The following CEP112 variants were observed in gnomAD, a reference collection of about 807,000 sequenced individuals.
The protein encoded by CEP112 is centrosomal protein of 112 kDa.
Under a neutral mutation model 153.0 loss-of-function variants are expected in CEP112, and 127 were observed. The ratio of observed to expected loss-of-function variants is 0.83; its 90% CI spans 0.72 to 0.96. The LOEUF is 0.96. Among genes scored for constraint, CEP112 ranks in the 40% least tolerant of loss-of-function variants. The probability of loss-of-function intolerance (pLI) is 0.00; values close to 1 mark genes in which losing one functional copy is unlikely to be tolerated. For synonymous variants in CEP112, 358 were observed against 374.4 expected, an observed-to-expected ratio of 0.96 and a Z score of 0.51; for missense variants, 1,089 against 1,101.2, an observed-to-expected ratio of 0.99 and a Z score of 0.16.
chr17:66,100,409 GAA>G (rs35510367), intron 6 of CEP112, among the ~76,000 whole-genome samples: 21,140 of 118,516 alleles, frequency 0.18, 2,229 homozygotes, highest in African/African-American at 0.33. Flanking sequence ...TCAAAAAACA[GAA>G]AAAAAAAAAA....
intron 18 of CEP112, among the ~76,000 whole-genome samples, chr17:65,937,573 G>T (rs1435707621): frequency 4.9e-5 from 5 of 102,560 alleles, no homozygotes; most frequent in East Asian, 6.7e-4. Context: ...AGGTGGGGGG[G>T]GTCAGCCCCC....
At chr17:66,005,126 T>A (rs1365124914) in intron 17 of CEP112, among the ~76,000 whole-genome samples, 1 of 152,156 alleles carries the variant, frequency 6.6e-6, no homozygotes, top group Admixed American at 6.5e-5. Flanking sequence ...GAATCAATGT[T>A]TTTTCAGCTA....
At chr17:65,970,210 T>C (rs1183421035) in intron 17 of CEP112, among the ~76,000 whole-genome samples, 3 of 111,050 alleles carry the variant, frequency 2.7e-5, no homozygotes, top group East Asian at 1.0e-3. Context: ...ATGCATGTCA[T>C]GCATGCATAT....
intron 23 of CEP112, among the ~76,000 whole-genome samples, chr17:65,694,406 C>T (rs569840652): frequency 4.6e-5 from 7 of 152,228 alleles, no homozygotes; most frequent in East Asian, 1.9e-4. Flanking sequence ...GAACAGACTA[C>T]GAAGTCAACC....
intron 4 of CEP112, among the ~76,000 whole-genome samples, chr17:66,167,279 T>G (rs1310035164): frequency 1.3e-5 from 2 of 152,104 alleles, no homozygotes; most frequent in Admixed American, 1.3e-4. Flanking sequence ...AAGGCCCTGA[T>G]GAACTATTAC....
intron 6 of CEP112, among the ~76,000 whole-genome samples, chr17:66,112,253 C>T (rs2069087734): frequency 6.6e-6 from 1 of 151,320 alleles, no homozygotes; most frequent in Non-Finnish European, 1.5e-5. Context: ...ATGGGGCCAT[C>T]GCACTCCAGC....
intron 21 of CEP112, among the ~76,000 whole-genome samples, chr17:65,766,111 C>G (rs1351820839): frequency 2.1e-5 from 3 of 143,320 alleles, no homozygotes; most frequent in Non-Finnish European, 4.6e-5. Flanking sequence ...TGATATCAAT[C>G]AGTTTATGAT....
rs76343188 is a variant in CEP112, at chr17:66,016,622, T to C, written c.1657-10853A>G. Among the ~76,000 whole-genome samples the C allele has an allele frequency of 5.5e-3, 830 of 152,284 alleles. 10 individuals are homozygous for C. The highest frequency in any genetic ancestry group is 0.019 in the African/African-American group (786 of 41,560). ...GCTTCACTGGTACTCTAAAATGATA[T>C]GTTACATGGGAAACCAACAAGGAAT... On this transcript the variant is annotated intron_variant, in intron 16 of 26. Transcript: ENST00000535342.
chr17:65,912,892 T>A (rs2060341161), intron 19 of CEP112, among the ~76,000 whole-genome samples: 1 of 152,202 alleles, frequency 6.6e-6, no homozygotes, highest in Non-Finnish European at 1.5e-5. Context: ...GCTTCTAGGT[T>A]GTAAAATTTA....
intron 12 of CEP112, among the ~76,000 whole-genome samples, chr17:66,053,029 C>T (rs1325009734): frequency 1.3e-5 from 2 of 151,530 alleles, no homozygotes; most frequent in Admixed American, 6.6e-5. Flanking sequence ...ATCGCTTGAG[C>T]CTGGGAGGCA....
intron 24 of CEP112, among the ~76,000 whole-genome samples, chr17:65,686,807 C>A (rs571929110): frequency 6.6e-6 from 1 of 152,238 alleles, no homozygotes; most frequent in South Asian, 2.1e-4. Context: ...AGCAGGAATA[C>A]AATGTCTGTT....
In CEP112 at chr17:65,741,837, T is replaced by C. The variant is rs115127585; in HGVS notation, c.2607+1231A>G. ...CAGTTTATGTGAAGCAAAACAGTTA[T>C]ATAGATCAATGGAGGCACTTCCTGT... On this transcript the variant is annotated intron_variant, in intron 23 of 26. Coordinates refer to ENST00000535342, the MANE Select transcript of CEP112 (RefSeq NM_001199165.4). 9.3e-3 allele frequency among the ~76,000 whole-genome samples: 1,406 copies of C among 151,912 alleles called. 17 individuals are homozygous for C. The highest frequency in any genetic ancestry group is 0.032 in the African/African-American group (1,332 of 41,478).
chr17:65,764,232 A>G (rs1323260038), intron 21 of CEP112, among the ~76,000 whole-genome samples: 1 of 152,122 alleles, frequency 6.6e-6, no homozygotes, highest in Non-Finnish European at 1.5e-5. Context: ...TTTTCTTGGT[A>G]TTTTGTTGCT....
At chr17:66,173,355 T>C (rs1272696205) in intron 4 of CEP112, among the ~76,000 whole-genome samples, 1 of 152,236 alleles carries the variant, frequency 6.6e-6, no homozygotes, top group Non-Finnish European at 1.5e-5. Context: ...AAAGTTGGGC[T>C]TTTATATGAA....
intron 16 of CEP112, among the ~76,000 whole-genome samples, chr17:66,024,500 T>C (rs1222854313): frequency 6.6e-6 from 1 of 151,980 alleles, no homozygotes; most frequent in Non-Finnish European, 1.5e-5. Context: ...TGTATAAAAA[T>C]CAGTAGTATT....
At chr17:65,659,566 C>A (rs1567823078) in intron 24 of CEP112, among the ~76,000 whole-genome samples, 2 of 152,198 alleles carry the variant, frequency 1.3e-5, no homozygotes, top group Non-Finnish European at 2.9e-5. Context: ...CACCTTCCAG[C>A]TAAAGGGAAC....
intron 4 of CEP112, among the ~76,000 whole-genome samples, chr17:66,154,880 G>A (rs1181326874): frequency 6.6e-6 from 1 of 152,184 alleles, no homozygotes; most frequent in East Asian, 1.9e-4. Flanking sequence ...ATTAAGAGGT[G>A]TGACCTTTAA....
At chr17:65,787,826 T>C (rs1038058757) in intron 21 of CEP112, among the ~76,000 whole-genome samples, 1 of 152,234 alleles carries the variant, frequency 6.6e-6, no homozygotes, top group Non-Finnish European at 1.5e-5. Flanking sequence ...TTAGGTTTTA[T>C]GTATAGATTT....
intron 4 of CEP112, among the ~76,000 whole-genome samples, chr17:66,166,532 T>C (rs779415194): frequency 7.2e-5 from 11 of 152,132 alleles, no homozygotes; most frequent in Non-Finnish European, 1.6e-4. Context: ...AAAGCAAGAA[T>C]ACAACCTATT....
Sources: gnomAD v4.1 joint callset for allele counts (sites outside exome capture counted in the v4.1 genomes callset) on GRCh38, gnomAD v4.1.1 for gene constraint, MANE v1.5 for transcripts, NCBI Gene and HGNC (gene_info 2026-07-23, HGNC 2026-07-21) for gene names.